Variants in CADPS observed in about 807,000 individuals in gnomAD.
The protein encoded by CADPS is calcium-dependent secretion activator 1.
Under a neutral mutation model 167.3 loss-of-function variants are expected in CADPS, and 57 were observed. That is an observed-to-expected ratio of 0.34 (90% CI 0.28 to 0.42). CADPS has a LOEUF of 0.42. Among genes scored for constraint, CADPS ranks in the 20% least tolerant of loss-of-function variants. The pLI is 1.00. For synonymous variants in CADPS, 676 were observed against 635.3 expected (o/e 1.06, Z -0.96); for missense variants, 1,414 against 1,738.1 (o/e 0.81, Z 3.32).
chr3:62,765,696 T>C (rs2086652545), intron 2 of CADPS, among the ~76,000 whole-genome samples, 175 bp downstream of exon 2: 1 of 152,238 alleles, frequency 6.6e-6, no homozygotes, highest in African/African-American at 2.4e-5. Context: ...CATTTAGTTT[T>C]CCCTAAAACA....
chr3:62,758,931 C>T (rs894659026), intron 2 of CADPS, among the ~76,000 whole-genome samples: 2 of 152,182 alleles, frequency 1.3e-5, no homozygotes, highest in Admixed American at 6.5e-5. Flanking sequence ...CATTTGCTAG[C>T]TGATAAGCTG....
At chr3:62,792,868 G>A (rs1275682975) in intron 1 of CADPS, among the ~76,000 whole-genome samples, 1 of 152,134 alleles carries the variant, frequency 6.6e-6, no homozygotes, top group Non-Finnish European at 1.5e-5. Context: ...AAAGTACTGG[G>A]ATTACAGGCA....
Position 62,662,300 on chromosome 3 carries a change from C to G in CADPS, c.969+14G>C, listed in dbSNP as rs1040621070. The G allele has an allele frequency of 1.2e-6, 2 of 1,610,936 alleles. No individual in the cohort carries two copies. Among genetic ancestry groups the G allele is most frequent in the African/African-American group, 1.3e-5 (1 of 74,944 alleles). On this transcript the variant is annotated intron_variant, in intron 4 of 29. Transcript: ENST00000383710. ...TGGCCTGGACCCCAGCAAACAACCA[C>G]AATGTTTCCTTACCCTGGCTATTTG...
chr3:62,499,214 A>G lies in CADPS; in HGVS notation c.2654T>C (p.Leu885Pro), dbSNP rs2065299984. The G allele has an allele frequency of 6.8e-6, 11 of 1,613,974 alleles. No individual in the cohort carries two copies. The highest frequency in any genetic ancestry group is 8.5e-6 in the Non-Finnish European group (10 of 1,179,866). The change falls in exon 18 of 30, where the codon CTT becomes CCT. Residue 885 changes from leucine (L) to proline (P), a missense_variant. Coordinates refer to ENST00000383710, the MANE Select transcript of CADPS (RefSeq NM_003716.4). ...PAKKLEDTIR[L>P]AELVIEVLQQ... ...AAGAACTTCAATGACTAGTTCAGCA[A>G]GACGTATTGTATCTTCAAGCTTTTT...
chr3:62,467,773 T>C (rs890702960), intron 24 of CADPS, among the ~76,000 whole-genome samples: 3 of 152,160 alleles, frequency 2.0e-5, no homozygotes, highest in Non-Finnish European at 4.4e-5. Flanking sequence ...TCTATGCTAG[T>C]ATTATTATTT....
At chr3:62,788,112 G>A (rs530367965) in intron 1 of CADPS, among the ~76,000 whole-genome samples, 61 of 152,090 alleles carry the variant, frequency 4.0e-4, no homozygotes, top group Non-Finnish European at 7.8e-4. Flanking sequence ...CTCAAGGCCC[G>A]CTTGAATGAT....
chr3:62,821,212 C>T (rs1176294366), intron 1 of CADPS, among the ~76,000 whole-genome samples: 1 of 152,116 alleles, frequency 6.6e-6, no homozygotes, highest in Non-Finnish European at 1.5e-5. Context: ...CAAATAGCTT[C>T]AAATTTAGGG....
chr3:62,418,725 C>T (rs886314887), intron 28 of CADPS, among the ~76,000 whole-genome samples: 3 of 151,942 alleles, frequency 2.0e-5, no homozygotes, highest in Admixed American at 6.6e-5. Context: ...TCAAAACCCT[C>T]CCACCTTTGA....
At chr3:62,488,276 A>G (rs1371265920) in intron 21 of CADPS, among the ~76,000 whole-genome samples, 2 of 152,178 alleles carry the variant, frequency 1.3e-5, no homozygotes, top group East Asian at 3.9e-4. Flanking sequence ...ATGGAAGTTC[A>G]CACTTTATTT....
chr3:62,678,712 A>G (rs1033429283), intron 3 of CADPS, among the ~76,000 whole-genome samples: 2 of 152,140 alleles, frequency 1.3e-5, no homozygotes, highest in African/African-American at 4.8e-5. Context: ...CAAGTTTTAC[A>G]TGAACAAAAC....
At chr3:62,549,447 GTT>G (rs3074235) in intron 11 of CADPS, among the ~76,000 whole-genome samples, 3 of 129,288 alleles carry the variant, frequency 2.3e-5, no homozygotes, top group Non-Finnish European at 3.2e-5. Context: ...CATGTTTTGT[GTT>G]TTTTTTTTTT....
At chr3:62,846,153 T>C (rs558682877) in intron 1 of CADPS, among the ~76,000 whole-genome samples, 1 of 151,962 alleles carries the variant, frequency 6.6e-6, no homozygotes, top group African/African-American at 2.4e-5. Context: ...TCCTGCAGCC[T>C]CCCCAGCCTT....
chr3:62,547,304 T>C (rs972350589), intron 11 of CADPS, among the ~76,000 whole-genome samples: 4 of 152,212 alleles, frequency 2.6e-5, no homozygotes, highest in Non-Finnish European at 5.9e-5. Flanking sequence ...ACTGCAGAAC[T>C]CAATGGGTGC....
At chr3:62,805,140 T>C (rs2094011295) in intron 1 of CADPS, among the ~76,000 whole-genome samples, 1 of 152,156 alleles carries the variant, frequency 6.6e-6, no homozygotes, top group Admixed American at 6.5e-5. Context: ...CACTCCCCAG[T>C]TGTTACAACC....
At chr3:62,624,893 G>T (rs1020375317) in intron 6 of CADPS, among the ~76,000 whole-genome samples, 11 of 152,100 alleles carry the variant, frequency 7.2e-5, no homozygotes, top group Admixed American at 5.2e-4. Context: ...CCTGGCCACA[G>T]CTGCTTGATC....
chr3:62,828,036 G>A (rs2074376988), intron 1 of CADPS, among the ~76,000 whole-genome samples: 1 of 152,162 alleles, frequency 6.6e-6, no homozygotes, highest in Non-Finnish European at 1.5e-5. Context: ...ATTTTGGCCA[G>A]GACACTGCTT....
At chr3:62,807,991 A>C (rs2094190743) in intron 1 of CADPS, among the ~76,000 whole-genome samples, 1 of 152,004 alleles carries the variant, frequency 6.6e-6, no homozygotes, top group Non-Finnish European at 1.5e-5. Context: ...CTCCTGCCTC[A>C]GCCTCCCGAG....
intron 1 of CADPS, among the ~76,000 whole-genome samples, chr3:62,869,481 C>T (rs562662333): frequency 6.6e-6 from 1 of 152,094 alleles, no homozygotes; most frequent in Non-Finnish European, 1.5e-5. Flanking sequence ...ACCTGTTTTT[C>T]CTATGCTTAC....
intron 2 of CADPS, among the ~76,000 whole-genome samples, chr3:62,757,449 G>T (rs557913681): frequency 2.6e-4 from 40 of 152,214 alleles, no homozygotes; most frequent in African/African-American, 9.4e-4. Flanking sequence ...TGTAGCTGGT[G>T]CTCAGTAAAT....
Sources: allele counts gnomAD v4.1 joint callset (sites outside exome capture counted in the v4.1 genomes callset), GRCh38; gene constraint gnomAD v4.1.1; transcripts MANE v1.5; gene names NCBI Gene and HGNC (gene_info 2026-07-23, HGNC 2026-07-21).